CLNK: variants seen among roughly 807,000 people sequenced by gnomAD.
CLNK encodes the protein cytokine dependent hematopoietic cell linker.
A neutral mutation model predicts 68.6 loss-of-function variants in CLNK; 74 were observed. The observed-to-expected ratio is 1.08, with a 90% CI of 0.89 to 1.31. The LOEUF (loss-of-function observed/expected upper bound fraction) is 1.31. Among genes scored for constraint, CLNK ranks in the 50% most tolerant of loss-of-function variants. CLNK has a pLI of 0.00. For synonymous variants in CLNK, 198 were observed against 172.2 expected, an observed-to-expected ratio of 1.15 and a Z score of -1.17; for missense variants, 553 against 515.3, an observed-to-expected ratio of 1.07 and a Z score of -0.71.
intron 4 of CLNK, among the ~76,000 whole-genome samples, chr4:10,584,642 G>C (rs1720907370): frequency 6.6e-6 from 1 of 152,100 alleles, no homozygotes; most frequent in Admixed American, 6.6e-5. Context: ...TATACCCATT[G>C]CACAGATGAA....
intron 2 of CLNK, among the ~76,000 whole-genome samples, chr4:10,617,200 T>G (rs946778139): frequency 6.6e-6 from 1 of 152,156 alleles, no homozygotes; most frequent in Non-Finnish European, 1.5e-5. Context: ...CCCATCCCAA[T>G]GCATACATAT....
chr4:10,585,907 T>G (rs1406213447), intron 3 of CLNK, among the ~76,000 whole-genome samples: 2 of 152,218 alleles, frequency 1.3e-5, no homozygotes, highest in Non-Finnish European at 2.9e-5. Context: ...CATTTTGGCA[T>G]CAGGGACCAG....
chr4:10,627,318 C>CAGGACTTT (rs1249115039), intron 2 of CLNK, among the ~76,000 whole-genome samples: 1 of 152,144 alleles, frequency 6.6e-6, no homozygotes, highest in Admixed American at 6.5e-5. Flanking sequence ...GGCCCTGCAC[C>CAGGACTTT]AGGACTTTAG....
intron 17 of CLNK, among the ~76,000 whole-genome samples, chr4:10,501,793 G>A (rs1034681175): frequency 1.3e-5 from 2 of 152,200 alleles, no homozygotes; most frequent in Admixed American, 6.5e-5. Flanking sequence ...CGGGCATGGT[G>A]GCGGGCGCCT....
intron 18 of CLNK, among the ~76,000 whole-genome samples, chr4:10,491,191 A>C (rs1316129303): frequency 6.6e-6 from 1 of 152,256 alleles, no homozygotes; most frequent in African/African-American, 2.4e-5. Context: ...CTTCCTATAC[A>C]GGGAGTTTCC....
the CLNK span, among the ~76,000 whole-genome samples, chr4:10,711,371 C>T: frequency 6.6e-6 from 1 of 152,190 alleles, no homozygotes; most frequent in African/African-American, 2.4e-5. Flanking sequence ...TCACAGAAGA[C>T]CTTCTGGTCC....
At chr4:10,689,705 G>A (rs73216753), upstream of CLNK, among the ~76,000 whole-genome samples, 1,723 of 137,708 alleles carry the variant, frequency 0.013, 13 homozygotes, top group Non-Finnish European at 0.017. Flanking sequence ...AAAATTCCTA[G>A]TTCAGAGTGC....
chr4:10,607,123 C>A (rs1312293519), intron 2 of CLNK, among the ~76,000 whole-genome samples: 1 of 152,144 alleles, frequency 6.6e-6, no homozygotes, highest in Non-Finnish European at 1.5e-5. Context: ...ATTGGTAGTC[C>A]ATTCTAGGCA....
the CLNK span, among the ~76,000 whole-genome samples, chr4:10,699,529 T>TTC: frequency 1.8e-5 from 2 of 113,766 alleles, no homozygotes; most frequent in South Asian, 3.1e-4. Flanking sequence ...TTTTTTTTTT[T>TTC]CTGAGACGGT....
intron 15 of CLNK, among the ~76,000 whole-genome samples, chr4:10,515,185 C>A (rs941603267): frequency 3.9e-5 from 6 of 152,154 alleles, no homozygotes; most frequent in African/African-American, 1.2e-4. Flanking sequence ...TTGCAATGAG[C>A]CGAGATCATG....
At chr4:10,643,612 T>C (rs1270900540) in intron 2 of CLNK, among the ~76,000 whole-genome samples, 4 of 152,192 alleles carry the variant, frequency 2.6e-5, no homozygotes, top group Non-Finnish European at 4.4e-5. Context: ...TGGTACAGGG[T>C]GGATGAGGGA....
the CLNK span, among the ~76,000 whole-genome samples, chr4:10,732,584 C>T: frequency 2.8e-4 from 43 of 152,244 alleles, no homozygotes; most frequent in Admixed American, 2.0e-3. Context: ...TAGCCTTTTA[C>T]ATTCCATCTA....
At chr4:10,514,442 C>T (rs536688380) in intron 15 of CLNK, among the ~76,000 whole-genome samples, 223 of 150,532 alleles carry the variant, frequency 1.5e-3, no homozygotes, top group African/African-American at 5.0e-3. Flanking sequence ...TCAGAAATAA[C>T]GCTGCATACC....
At chr4:10,671,450 A>G (rs1724633981) in intron 1 of CLNK, among the ~76,000 whole-genome samples, 1 of 152,144 alleles carries the variant, frequency 6.6e-6, no homozygotes, top group Non-Finnish European at 1.5e-5. Context: ...TGAGTTAGCC[A>G]CAAAGTGTCA....
intron 17 of CLNK, among the ~76,000 whole-genome samples, chr4:10,502,114 C>G (rs1278785547): frequency 2.0e-5 from 3 of 152,204 alleles, no homozygotes; most frequent in Non-Finnish European, 2.9e-5. Context: ...TGCTTTGGGG[C>G]TCCCAGATTT....
At chr4:10,635,032 GAT>G (rs995209433) in intron 2 of CLNK, among the ~76,000 whole-genome samples, 63 of 152,238 alleles carry the variant, frequency 4.1e-4, no homozygotes, top group Middle Eastern at 3.4e-3. Flanking sequence ...TTTCAAAAGA[GAT>G]AACAATCTTA....
intron 2 of CLNK, among the ~76,000 whole-genome samples, chr4:10,611,828 A>G (rs2720354): frequency 0.7 from 105,629 of 151,898 alleles, 37,592 homozygotes; most frequent in East Asian, 0.77. Context: ...ACTGTGTTGC[A>G]GCCAGGATCC....
chr4:10,685,687 CCAAGGAAAA>C (rs1725245845), upstream of CLNK, among the ~76,000 whole-genome samples: 1 of 152,056 alleles, frequency 6.6e-6, no homozygotes, highest in South Asian at 2.1e-4. Flanking sequence ...AACAGACACC[CCAAGGAAAA>C]CATGAAAATA....
intron 11 of CLNK, among the ~76,000 whole-genome samples, chr4:10,533,101 T>C (rs1167822598): frequency 1.3e-5 from 2 of 151,764 alleles, no homozygotes; most frequent in Non-Finnish European, 2.9e-5. Context: ...CTACTAAAAA[T>C]ACAAAGATTA....
Sources: gnomAD v4.1 joint callset for allele counts (sites outside exome capture counted in the v4.1 genomes callset) on GRCh38, gnomAD v4.1.1 for gene constraint, MANE v1.5 for transcripts, NCBI Gene and HGNC (gene_info 2026-07-23, HGNC 2026-07-21) for gene names.